CPNE1: variants seen among roughly 807,000 people sequenced by gnomAD.
The protein encoded by CPNE1 is copine 1.
Under a neutral mutation model 63.2 loss-of-function variants are expected in CPNE1, and 58 were observed. The observed-to-expected ratio is 0.92, with a 90% confidence interval of 0.74 to 1.14. CPNE1 has a LOEUF of 1.14. CPNE1 is among the 50% of genes most tolerant of loss of function. The probability of loss-of-function intolerance (pLI) is 0.00; values close to 1 mark genes in which losing one functional copy is unlikely to be tolerated. For missense variants in CPNE1, 672 were observed against 661.7 expected, an observed-to-expected ratio of 1.02 and a Z score of -0.17; for synonymous variants, 237 against 249.0, an observed-to-expected ratio of 0.95 and a Z score of 0.45.
Position 35,632,548 on chromosome 20 carries a change from A to G in CPNE1, c.278T>C (p.Phe93Ser). 1.2e-6 allele frequency: 2 copies of G among 1,614,038 alleles called. No individual in the cohort carries two copies. ...TAGGGAACACTCAGCACCCCCTAGG[A>G]AGTCATCATCCCTCAGCTCTGGCGT... ...NKTPELRDDD[F>S]LGGAECSLGQ... Residue 93 changes from phenylalanine (F) to serine (S), a missense_variant, in exon 3 of 16, where the codon TTC (phenylalanine) becomes TCC (serine). Physicochemically the swap from Phe to Ser is radical, Grantham distance 155. Coordinates refer to ENST00000397443, the MANE Select transcript of CPNE1 (RefSeq NM_152925.3).
chr20:35,661,829 C>T (rs1226301691), intron 1 of CPNE1, among the ~76,000 whole-genome samples: 1 of 152,190 alleles, frequency 6.6e-6, no homozygotes, highest in Non-Finnish European at 1.5e-5. Context: ...TGAACTTTAA[C>T]TTTGTTCAGT....
At chr20:35,646,701 T>A (rs1031424882) in intron 1 of CPNE1, among the ~76,000 whole-genome samples, 13 of 152,140 alleles carry the variant, frequency 8.5e-5, no homozygotes, top group Admixed American at 7.9e-4. Flanking sequence ...ATGGAGGTAA[T>A]GAACCATCAA....
At chr20:35,632,442 G>A (rs1245535102) in intron 3 of CPNE1, 57 bp from the exon 4 acceptor site, 7 of 1,602,862 alleles carry the variant, frequency 4.4e-6, no homozygotes, top group Non-Finnish European at 6.0e-6. Flanking sequence ...GGTCCTGCTT[G>A]CCCCCTACCT....
At chr20:35,637,004 GTT>G (rs2146298911) in intron 1 of CPNE1, among the ~76,000 whole-genome samples, 1 of 152,060 alleles carries the variant, frequency 6.6e-6, no homozygotes, top group African/African-American at 2.4e-5. Flanking sequence ...ATTTTATACT[GTT>G]TTGTATTTTT....
chr20:35,654,564 T>A (rs1390492299), intron 1 of CPNE1: 44 of 1,614,174 alleles, frequency 2.7e-5, no homozygotes, highest in Non-Finnish European at 3.5e-5. Context: ...CAGGTAGAGG[T>A]GCCACAGGTG....
chr20:35,646,476 G>A (rs1429547173), intron 1 of CPNE1, among the ~76,000 whole-genome samples: 9 of 150,082 alleles, frequency 6.0e-5, no homozygotes, highest in Admixed American at 5.3e-4. Context: ...TCCCACCTCG[G>A]CCTCCCAAAG....
chr20:35,627,644 A>G, intron 13 of CPNE1: 1 of 435,064 alleles, frequency 2.3e-6, no homozygotes. Context: ...GATGAGAGGG[A>G]TTCTCCTGGA....
At chr20:35,657,612 A>T (rs1237867223) in intron 1 of CPNE1, among the ~76,000 whole-genome samples, 1 of 152,234 alleles carries the variant, frequency 6.6e-6, no homozygotes, top group Admixed American at 6.5e-5. Flanking sequence ...GGATTTACTG[A>T]AAGTTTGTAC....
chr20:35,626,381 C>T lies in CPNE1; in HGVS notation c.1474G>A (p.Ala492Thr), dbSNP rs552365228. 7 of 1,613,660 alleles carry T rather than the reference C, an allele frequency of 4.3e-6. No individual in the cohort carries two copies. The highest frequency in any genetic ancestry group is 3.4e-6 in the Non-Finnish European group (4 of 1,179,698). Reference protein sequence around the residue: ...QFVPYRRFQNAPREALAQTVL... With the variant: ...QFVPYRRFQNTPREALAQTVL... Reference sequence around the variant, plus strand: ...GTCTGTGCCAATGCCTCCCGAGGGGCCTGCCAAGAAAAGGGAAAAGTCAGT... The same window carrying T: ...GTCTGTGCCAATGCCTCCCGAGGGGTCTGCCAAGAAAAGGGAAAAGTCAGT... Residue 492 changes from alanine (A) to threonine (T), a missense_variant and splice_region_variant, in exon 16 of 16, where the codon GCC becomes ACC. By Grantham distance (58) the Ala-to-Thr change is moderately conservative (BLOSUM62 0). Transcript: ENST00000397443.
At chr20:35,637,342 A>G (rs1194128955) in intron 1 of CPNE1, among the ~76,000 whole-genome samples, 2 of 152,096 alleles carry the variant, frequency 1.3e-5, no homozygotes, top group East Asian at 3.8e-4. Flanking sequence ...GCACAACTCC[A>G]AAGGACATAC....
At chr20:35,663,190 C>T (rs768649966) in intron 1 of CPNE1, among the ~76,000 whole-genome samples, 1 of 152,176 alleles carries the variant, frequency 6.6e-6, no homozygotes, top group Non-Finnish European at 1.5e-5. Context: ...TCCAGAAATC[C>T]TCCATTCTTA....
intron 1 of CPNE1, among the ~76,000 whole-genome samples, chr20:35,656,039 C>T (rs2033880139): frequency 6.6e-6 from 1 of 152,132 alleles, no homozygotes; most frequent in African/African-American, 2.4e-5. Flanking sequence ...GCCAAAAGAA[C>T]TACTGAATAG....
rs1202678409 is a variant in CPNE1, at chr20:35,642,370, G to C, written c.1-9447C>G. On this transcript the variant is annotated intron_variant, in intron 1 of 15. Transcript: ENST00000397443. Reference sequence around the variant, plus strand: ...AGGTGGCATAGAGGGCTGAAGGTCTGGGTGGCAGGGCCACTCCTTTAATAA... The same window carrying C: ...AGGTGGCATAGAGGGCTGAAGGTCTCGGTGGCAGGGCCACTCCTTTAATAA... Among the ~76,000 whole-genome samples the C allele has an allele frequency of 3.9e-5, 6 of 152,200 alleles. No individual in the cohort carries two copies. The East Asian group carries it at 1.2e-3, about 29-fold the overall frequency.
chr20:35,632,971 T>C (rs759974072), intron 1 of CPNE1, 48 bp from the exon 2 acceptor site: 1 of 841,470 alleles, frequency 1.2e-6, no homozygotes, highest in South Asian at 1.4e-5. Flanking sequence ...TTCTCTCCCC[T>C]TCCCCGACTA....
At chr20:35,651,707 A>G (rs1299134828) in intron 1 of CPNE1, 1 of 152,614 alleles carries the variant, frequency 6.6e-6, no homozygotes, top group Admixed American at 6.5e-5. Flanking sequence ...CCATCCAAAC[A>G]ACATGAACAA....
intron 1 of CPNE1, among the ~76,000 whole-genome samples, chr20:35,656,636 G>C (rs1311585099): frequency 6.6e-6 from 1 of 152,198 alleles, no homozygotes; most frequent in Non-Finnish European, 1.5e-5. Flanking sequence ...CCAGGTTCAA[G>C]TAATTCTCCT....
chr20:35,641,545 T>C (rs2032808958), intron 1 of CPNE1, among the ~76,000 whole-genome samples: 1 of 152,190 alleles, frequency 6.6e-6, no homozygotes, highest in Non-Finnish European at 1.5e-5. Context: ...AGGTGTAAAC[T>C]GGGGGATAGT....
intron 1 of CPNE1, chr20:35,653,399 G>A (rs755662068): frequency 1.9e-6 from 3 of 1,614,130 alleles, no homozygotes; most frequent in Non-Finnish European, 2.5e-6. Flanking sequence ...CCTGGCACAG[G>A]CATCTTTAAT....
At position 35,632,400 on chromosome 20, in the gene CPNE1, G is replaced by A; in HGVS notation, c.310-15C>T. ...CTGGACACAATCTGGGGAAAAGCAGGGAAGGGAGTTTCAGGATAACAGGCA... is the reference window on the plus strand; with the variant it reads ...CTGGACACAATCTGGGGAAAAGCAGAGAAGGGAGTTTCAGGATAACAGGCA... On this transcript the variant is annotated splice_polypyrimidine_tract_variant and intron_variant, in intron 3 of 15. Coordinates refer to ENST00000397443, the MANE Select transcript of CPNE1 (RefSeq NM_152925.3). The A allele has an allele frequency of 6.2e-7, 1 of 1,613,614 alleles. No homozygotes were observed. Among genetic ancestry groups the A allele is most frequent in the South Asian group, 1.1e-5 (1 of 91,072 alleles).
Sources: gnomAD v4.1 joint callset for allele counts (sites outside exome capture counted in the v4.1 genomes callset) on GRCh38, gnomAD v4.1.1 for gene constraint, MANE v1.5 for transcripts, NCBI Gene and HGNC (gene_info 2026-07-23, HGNC 2026-07-21) for gene names.